HDAC8: variants seen among roughly 807,000 people sequenced by gnomAD.
The protein encoded by HDAC8 is histone deacetylase-like 1.
A neutral mutation model predicts 32.2 loss-of-function variants in HDAC8; 1 was observed. The observed-to-expected ratio is 0.03, with a 90% CI of 0.01 to 0.15. The LOEUF (loss-of-function observed/expected upper bound fraction) is 0.15. HDAC8 is among the 10% of genes least tolerant of loss of function. The pLI, the probability that HDAC8 is intolerant of heterozygous loss-of-function variation, is 1.00. For synonymous variants in HDAC8, 108 were observed against 113.9 expected (o/e 0.95, Z 0.33); for missense variants, 117 against 300.0 (o/e 0.39, Z 4.51).
chrX:72,463,850 C>T (rs2047934654), intron 8 of HDAC8, among the ~76,000 whole-genome samples: 1 of 111,737 alleles, frequency 8.9e-6, no homozygotes, highest in Non-Finnish European at 1.9e-5. Flanking sequence ...TTTTAACACA[C>T]CAATCTATTC....
chrX:72,512,654 T>C (rs1422607935), intron 4 of HDAC8, among the ~76,000 whole-genome samples: 1 of 110,860 alleles, frequency 9.0e-6, no homozygotes, highest in African/African-American at 3.3e-5. Flanking sequence ...CCAGAGCACT[T>C]AAGGAGTTGG....
At chrX:72,460,262 G>T (rs782036010) in intron 9 of HDAC8, among the ~76,000 whole-genome samples, 5 of 110,329 alleles carry the variant, frequency 4.5e-5, no homozygotes, top group African/African-American at 1.6e-4. Context: ...TCAGCCTCCC[G>T]AGTAGCTGGG....
At chrX:72,567,718 T>C (rs368334577) in intron 4 of HDAC8, 171 bp downstream of exon 4, 25 of 1,205,669 alleles carry the variant, frequency 2.1e-5, no homozygotes, top group Middle Eastern at 5.6e-4. Flanking sequence ...TGCTTTCCAC[T>C]ATATTAGGTA....
intron 9 of HDAC8, among the ~76,000 whole-genome samples, chrX:72,452,286 T>C (rs1555987786): frequency 9.0e-6 from 1 of 111,552 alleles, no homozygotes; most frequent in Non-Finnish European, 1.9e-5. Context: ...CGAAACCCCG[T>C]CTCTACTAAA....
chrX:72,491,526 G>A (rs2048871232), intron 5 of HDAC8, among the ~76,000 whole-genome samples: 1 of 112,024 alleles, frequency 8.9e-6, no homozygotes, highest in African/African-American at 3.2e-5. Context: ...TAATTATAAA[G>A]TGCCTTTCTA....
At chrX:72,344,942 G>A (rs2043985138) in intron 10 of HDAC8, among the ~76,000 whole-genome samples, 1 of 111,717 alleles carries the variant, frequency 9.0e-6, no homozygotes, top group African/African-American at 3.3e-5. Flanking sequence ...CCACTTTACT[G>A]TGGATATGAA....
Position 72,489,027 on chromosome X carries a change from A to T in HDAC8, c.643T>A (p.Ser215Thr). The T allele has an allele frequency of 8.4e-7, 1 of 1,184,276 alleles. No homozygotes were observed. Among genetic ancestry groups the T allele is most frequent in the Non-Finnish European group, 1.1e-6 (1 of 876,195 alleles). The change falls in exon 7 of 11, where the codon TCT becomes ACT. Residue 215 changes from serine (S) to threonine (T), a missense_variant. By Grantham distance (58) the Ser-to-Thr change is moderately conservative. This residue lies in a region of HDAC8 where 57 missense variants were observed against 182.0 expected (regional missense o/e 0.31). Coordinates refer to ENST00000373573, the MANE Select transcript of HDAC8 (RefSeq NM_018486.3). ...CGTCCCTTCCCTAGGCCAACATCAG[A>T]CACGTCACCTGTTCCTATAAAAGAG... is the stretch of plus-strand genomic sequence containing the variant. ...PGFFPGTGDV[S>T]DVGLGKGRYY... is the part of the protein sequence containing the mutation.
chrX:72,344,875 C>T (rs2043983070), intron 10 of HDAC8, among the ~76,000 whole-genome samples: 1 of 111,906 alleles, frequency 8.9e-6, no homozygotes, highest in African/African-American at 3.3e-5. Flanking sequence ...CCATCACCAT[C>T]CATCCCAAAT....
rs961280683 is a variant in HDAC8 at position 72,360,595 on chromosome X, A to G, written c.1006-8757T>C. 2.7e-5 allele frequency among the ~76,000 whole-genome samples: 3 copies of G among 111,747 alleles called. No individual in the cohort carries two copies. In the East Asian group the frequency reaches 8.5e-4, roughly 31 times the overall value. ...AATGTGGGTTCTGGTCAGGAAGAGCATTTCTTGTCCTGAATCACTGTTTGA... is the reference window on the plus strand; with the variant it reads ...AATGTGGGTTCTGGTCAGGAAGAGCGTTTCTTGTCCTGAATCACTGTTTGA... On this transcript the variant is annotated intron_variant, in intron 9 of 10. Coordinates refer to ENST00000373573, the MANE Select transcript of HDAC8 (RefSeq NM_018486.3).
At chrX:72,518,517 T>A (rs939249446) in intron 4 of HDAC8, among the ~76,000 whole-genome samples, 15 of 111,863 alleles carry the variant, frequency 1.3e-4, no homozygotes, top group Non-Finnish European at 2.6e-4. Flanking sequence ...TGCACACAGC[T>A]TTCCCTATTA....
chrX:72,503,830 T>C (rs1310016401), intron 4 of HDAC8, among the ~76,000 whole-genome samples: 13 of 111,933 alleles, frequency 1.2e-4, no homozygotes, highest in African/African-American at 4.2e-4. Context: ...ATGGAGCCAA[T>C]GCATACAAAG....
chrX:72,526,997 GA>G (rs1221207303), intron 4 of HDAC8, among the ~76,000 whole-genome samples: 2 of 111,389 alleles, frequency 1.8e-5, no homozygotes, highest in Non-Finnish European at 3.8e-5. Context: ...TTTTGTCAAA[GA>G]AAAATCTGAT....
chrX:72,375,535 C>G (rs1239067526), intron 9 of HDAC8, among the ~76,000 whole-genome samples: 2 of 106,331 alleles, frequency 1.9e-5, no homozygotes, highest in Non-Finnish European at 3.9e-5. Context: ...CAGGAGAAAA[C>G]TGAAATCTTA....
At chrX:72,374,458 G>A (rs1297306318) in intron 9 of HDAC8, among the ~76,000 whole-genome samples, 1 of 111,335 alleles carries the variant, frequency 9.0e-6, no homozygotes, top group Non-Finnish European at 1.9e-5. Flanking sequence ...GATCACTTAA[G>A]GTCAGGAGTT....
intron 9 of HDAC8, among the ~76,000 whole-genome samples, chrX:72,362,687 C>A (rs1287221013): frequency 8.9e-6 from 1 of 112,346 alleles, no homozygotes; most frequent in African/African-American, 3.2e-5. Context: ...TGAATATTAT[C>A]ATTCTTTTTC....
intron 7 of HDAC8, chrX:72,473,586 G>A (rs1555998848): frequency 2.2e-6 from 1 of 460,703 alleles, no homozygotes; most frequent in African/African-American, 2.7e-5. Context: ...AAATCACACA[G>A]CTATTAAGTG....
At chrX:72,542,130 A>G (rs1331772035) in intron 4 of HDAC8, among the ~76,000 whole-genome samples, 1 of 112,351 alleles carries the variant, frequency 8.9e-6, no homozygotes, top group Non-Finnish European at 1.9e-5. Flanking sequence ...CTCAAGTGCT[A>G]TCCTTTCTTT....
intron 9 of HDAC8, among the ~76,000 whole-genome samples, chrX:72,448,466 A>G: frequency 8.9e-6 from 1 of 112,533 alleles, no homozygotes; most frequent in African/African-American, 3.2e-5. Context: ...CATAAGACCT[A>G]AAATCATAAA....
chrX:72,393,012 G>A (rs1367246397), intron 9 of HDAC8, among the ~76,000 whole-genome samples: 1 of 112,057 alleles, frequency 8.9e-6, no homozygotes, highest in Admixed American at 9.5e-5. Context: ...ATCCAGGAAT[G>A]TTCTGTGACT....
Sources: allele counts gnomAD v4.1 joint callset (sites outside exome capture counted in the v4.1 genomes callset), GRCh38; gene constraint gnomAD v4.1.1; regional missense constraint gnomAD v4.1.1; transcripts MANE v1.5; gene names NCBI Gene and HGNC (gene_info 2026-07-23, HGNC 2026-07-21).